The following ANKRD44 variants were observed in gnomAD, a reference collection of about 807,000 sequenced individuals.
The protein encoded by ANKRD44 is ankyrin repeat domain 44, also known as serine/threonine-protein phosphatase 6 regulatory ankyrin repeat subunit B.
A neutral mutation model predicts 116.0 loss-of-function variants in ANKRD44; 35 were observed. The ratio of observed to expected loss-of-function variants is 0.30; its 90% CI spans 0.23 to 0.40. ANKRD44 has a LOEUF of 0.40. Ranked by LOEUF, ANKRD44 falls within the 10% of genes least tolerant of loss-of-function variation. The probability of loss-of-function intolerance (pLI) is 1.00; values close to 1 mark genes in which losing one functional copy is unlikely to be tolerated. For missense variants in ANKRD44, 1,014 were observed against 1,242.6 expected (o/e 0.82, Z 2.77); for synonymous variants, 435 against 461.8 (o/e 0.94, Z 0.74).
chr2:197,292,333 C>T (rs1179250698), intron 1 of ANKRD44, among the ~76,000 whole-genome samples: 1 of 152,198 alleles, frequency 6.6e-6, no homozygotes, highest in East Asian at 1.9e-4. Context: ...CTCTCCAGCA[C>T]CTGCGGTTTC....
At chr2:197,290,453 T>C (rs1332781520) in intron 1 of ANKRD44, among the ~76,000 whole-genome samples, 2 of 152,208 alleles carry the variant, frequency 1.3e-5, no homozygotes, top group Non-Finnish European at 2.9e-5. Context: ...TTATTGCTGA[T>C]TCACTTGAGT....
At chr2:197,305,025 T>C (rs979020) in intron 1 of ANKRD44, among the ~76,000 whole-genome samples, 64,531 of 152,006 alleles carry the variant, frequency 0.42, 14,004 homozygotes, top group African/African-American at 0.5. Context: ...TATCCAGGTT[T>C]ACCCAGGACA....
intron 1 of ANKRD44, among the ~76,000 whole-genome samples, chr2:197,227,528 T>G (rs553311262): frequency 3.9e-5 from 6 of 152,276 alleles, no homozygotes; most frequent in East Asian, 1.9e-4. Context: ...CTTTGCATAT[T>G]CTGCCCTATC....
At chr2:197,083,232 T>C (rs2077837974) in intron 14 of ANKRD44, 137 bp downstream of exon 14, 1 of 1,119,712 alleles carries the variant, frequency 8.9e-7, no homozygotes, top group African/African-American at 1.6e-5. Flanking sequence ...AAGCCCAGGT[T>C]TGGAATTAAG....
intron 16 of ANKRD44, among the ~76,000 whole-genome samples, chr2:197,043,828 G>C (rs1264486012): frequency 1.3e-5 from 2 of 152,098 alleles, no homozygotes; most frequent in African/African-American, 4.8e-5. Context: ...GTATGGATTA[G>C]GTAGGGACAT....
chr2:197,063,646 C>T (rs988785575), intron 16 of ANKRD44, among the ~76,000 whole-genome samples: 4 of 152,262 alleles, frequency 2.6e-5, no homozygotes, highest in South Asian at 2.1e-4. Flanking sequence ...ACAAGAACTA[C>T]GTGATGAATG....
chr2:197,048,277 T>C (rs1308531417), intron 16 of ANKRD44, among the ~76,000 whole-genome samples: 1 of 152,146 alleles, frequency 6.6e-6, no homozygotes, highest in Admixed American at 6.5e-5. Context: ...GCCATGTTGG[T>C]TTGCTGCAAC....
intron 8 of ANKRD44, among the ~76,000 whole-genome samples, chr2:197,112,707 C>CAAA (rs1178148585): frequency 1.2e-5 from 1 of 80,052 alleles, no homozygotes; most frequent in African/African-American, 4.7e-5. Flanking sequence ...GACTCCGTCT[C>CAAA]AAAAAAAAAA....
intron 1 of ANKRD44, among the ~76,000 whole-genome samples, chr2:197,302,079 C>A (rs2083927012): frequency 6.6e-6 from 1 of 152,186 alleles, no homozygotes. Flanking sequence ...CAGCAAGGGT[C>A]CCGAGGCAGG....
chr2:197,234,133 T>C (rs2125774390), intron 1 of ANKRD44, among the ~76,000 whole-genome samples: 1 of 152,220 alleles, frequency 6.6e-6, no homozygotes, highest in East Asian at 1.9e-4. Flanking sequence ...AGTAACCCAC[T>C]GTTTATATCC....
At chr2:197,109,503 C>G (rs991518435) in intron 9 of ANKRD44, among the ~76,000 whole-genome samples, 1 of 152,158 alleles carries the variant, frequency 6.6e-6, no homozygotes, top group South Asian at 2.1e-4. Flanking sequence ...AGATATTTTG[C>G]TTGCTAAGCA....
At chr2:197,249,107 CA>C (rs1227023983) in intron 1 of ANKRD44, among the ~76,000 whole-genome samples, 1 of 151,334 alleles carries the variant, frequency 6.6e-6, no homozygotes, top group African/African-American at 2.4e-5. Context: ...CCCATCTCTA[CA>C]AAAAAAATAC....
chr2:197,091,705 T>C (rs1341379983), intron 10 of ANKRD44, among the ~76,000 whole-genome samples: 1 of 152,244 alleles, frequency 6.6e-6, no homozygotes, highest in Non-Finnish European at 1.5e-5. Context: ...TGTGGTATTA[T>C]GTCCCAAGCA....
chr2:197,266,163 C>G (rs2082736156), intron 1 of ANKRD44, among the ~76,000 whole-genome samples: 1 of 152,102 alleles, frequency 6.6e-6, no homozygotes, highest in African/African-American at 2.4e-5. Flanking sequence ...CAGGCTGGAA[C>G]TCATAGTCTT....
At chr2:197,162,233 A>C (rs533074522) in intron 2 of ANKRD44, among the ~76,000 whole-genome samples, 1 of 152,206 alleles carries the variant, frequency 6.6e-6, no homozygotes, top group African/African-American at 2.4e-5. Context: ...CTTATGTTTT[A>C]AGCACAGCTG....
chr2:197,219,556 A>G (rs764085709), intron 1 of ANKRD44, among the ~76,000 whole-genome samples: 1 of 152,202 alleles, frequency 6.6e-6, no homozygotes. Context: ...CATCATATAC[A>G]TTAGTAAAGG....
chr2:197,265,551 A>G (rs956345518), intron 1 of ANKRD44, among the ~76,000 whole-genome samples: 1 of 152,122 alleles, frequency 6.6e-6, no homozygotes, highest in Non-Finnish European at 1.5e-5. Context: ...CCGGCCAGTA[A>G]CAGCTTTTTA....
At chr2:197,282,729 C>G (rs912794014) in intron 1 of ANKRD44, among the ~76,000 whole-genome samples, 10 of 152,124 alleles carry the variant, frequency 6.6e-5, no homozygotes, top group African/African-American at 2.2e-4. Context: ...GAGGCCAAGA[C>G]GAGCAGATCA....
chr2:196,991,075 A>C, intron 27 of ANKRD44: 17 of 706,768 alleles, frequency 2.4e-5, no homozygotes, highest in Non-Finnish European at 2.9e-5. Context: ...GTTACTTCTC[A>C]CAAGTCATGC....
Sources: allele counts gnomAD v4.1 joint callset (sites outside exome capture counted in the v4.1 genomes callset), GRCh38; gene constraint gnomAD v4.1.1; transcripts MANE v1.5; gene names NCBI Gene and HGNC (gene_info 2026-07-23, HGNC 2026-07-21).